Variants in USH2A observed in about 807,000 individuals in gnomAD.
USH2A encodes usherin.
Under a neutral mutation model 538.9 loss-of-function variants are expected in USH2A, and 443 were observed. The observed-to-expected ratio is 0.82, with a 90% CI of 0.76 to 0.89. The LOEUF (loss-of-function observed/expected upper bound fraction) is 0.89. Ranked by LOEUF, USH2A falls within the 40% of genes least tolerant of loss-of-function variation. USH2A has a pLI of 0.00. For missense variants in USH2A, 6,633 were observed against 6,324.8 expected, an observed-to-expected ratio of 1.05 and a Z score of -1.65; for synonymous variants, 2,413 against 2,273.5, an observed-to-expected ratio of 1.06 and a Z score of -1.75.
intron 58 of USH2A, among the ~76,000 whole-genome samples, chr1:215,752,032 T>C (rs1358345884): frequency 6.6e-6 from 1 of 152,096 alleles, no homozygotes; most frequent in Non-Finnish European, 1.5e-5. Context: ...TTGGAAAATA[T>C]GTGTATGTGC....
At chr1:215,777,702 T>G (rs1177646313) in intron 55 of USH2A, among the ~76,000 whole-genome samples, 1 of 152,216 alleles carries the variant, frequency 6.6e-6, no homozygotes. Flanking sequence ...GACCACTTAG[T>G]GTACTATCTG....
chr1:215,755,653 A>G (rs1251635814), intron 58 of USH2A, among the ~76,000 whole-genome samples: 1 of 152,188 alleles, frequency 6.6e-6, no homozygotes. Context: ...TGTGCATCTT[A>G]AACTATAAGA....
intron 32 of USH2A, among the ~76,000 whole-genome samples, chr1:216,015,995 A>G (rs1478106694): frequency 6.6e-6 from 1 of 152,206 alleles, no homozygotes; most frequent in Non-Finnish European, 1.5e-5. Context: ...CATATACACC[A>G]TGGAATACTA....
In USH2A at chr1:216,059,547, G is replaced by A. The variant is rs1197441139; in HGVS notation, c.6049+10554C>T. Among the ~76,000 whole-genome samples the A allele has an allele frequency of 2.0e-5, 3 of 152,072 alleles. No homozygotes were observed. In the East Asian group the frequency reaches 5.8e-4, roughly 29 times the overall value. On this transcript the variant is annotated intron_variant, in intron 30 of 71. Coordinates refer to ENST00000307340, the MANE Select transcript of USH2A (RefSeq NM_206933.4). ...CTTTGCCTATGACACTATTTTTATA[G>A]GTTTTTGTTTTGTTTAATTTTTGCT...
Position 216,238,896 on chromosome 1 carries a change from A to G in USH2A, c.2810-6760T>C, listed in dbSNP as rs554157339. 2.6e-5 allele frequency among the ~76,000 whole-genome samples: 4 copies of G among 152,190 alleles called. No individual in the cohort carries two copies. In the East Asian group the frequency reaches 7.7e-4, roughly 29 times the overall value. ...TCCCTCCATGCCCCACTGCTCACAC[A>G]CCAGCATGCTGTCTGCCCCTGTGGT... On this transcript the variant is annotated intron_variant, in intron 13 of 71. Coordinates refer to ENST00000307340, the MANE Select transcript of USH2A (RefSeq NM_206933.4).
At chr1:215,838,700 G>A (rs1298304926) in intron 46 of USH2A, among the ~76,000 whole-genome samples, 1 of 152,092 alleles carries the variant, frequency 6.6e-6, no homozygotes, top group East Asian at 1.9e-4. Context: ...TAAAAACCGA[G>A]GAGGGTGGAA....
intron 61 of USH2A, among the ~76,000 whole-genome samples, chr1:215,690,011 A>C (rs575492185): frequency 6.6e-6 from 1 of 152,348 alleles, no homozygotes; most frequent in South Asian, 2.1e-4. Flanking sequence ...TTAAAGATAC[A>C]TTTACATACA....
chr1:215,906,804 C>T (rs1190975113), intron 38 of USH2A, among the ~76,000 whole-genome samples: 2 of 151,866 alleles, frequency 1.3e-5, no homozygotes, highest in African/African-American at 2.4e-5. Context: ...TTCATGTTAG[C>T]GAGAGAAAGA....
At position 216,097,130 on chromosome 1, in the gene USH2A, C is replaced by G; in HGVS notation, c.4711G>C (p.Ala1571Pro). ...ASPGNQEEYF[A>P]LQLKKGRLYF... The stretch of plus-strand genomic sequence containing the variant: ...AGACGTCCCTTCTTCAACTGAAGTG[C>G]AAAATACTCTTCCTGATTGCCAGGT... Residue 1571 changes from alanine (A) to proline (P), a missense_variant, in exon 22 of 72, where the codon GCA becomes CCA. Physicochemically the swap from Ala to Pro is conservative, Grantham distance 27 (BLOSUM62 -1). Transcript: ENST00000307340. 6.2e-7 allele frequency: 1 copy of G among 1,614,112 alleles called. No individual in the cohort carries two copies. The highest frequency in any genetic ancestry group is 8.5e-7 in the Non-Finnish European group (1 of 1,180,006).
intron 64 of USH2A, among the ~76,000 whole-genome samples, chr1:215,657,996 T>G (rs542381469): frequency 1.4e-5 from 2 of 147,972 alleles, no homozygotes; most frequent in Admixed American, 6.8e-5. Flanking sequence ...TGCAGTGGCG[T>G]GATCTCGGCT....
intron 30 of USH2A, among the ~76,000 whole-genome samples, chr1:216,061,840 A>G (rs543490673): frequency 6.6e-6 from 1 of 152,188 alleles, no homozygotes; most frequent in Non-Finnish European, 1.5e-5. Context: ...AATGCCAGCA[A>G]GCTCTCAGCA....
intron 11 of USH2A, among the ~76,000 whole-genome samples, chr1:216,268,138 G>A (rs2036510226): frequency 6.6e-6 from 1 of 152,042 alleles, no homozygotes; most frequent in Non-Finnish European, 1.5e-5. Flanking sequence ...TGAGGGTTCT[G>A]TGGCTGCAGT....
intron 11 of USH2A, among the ~76,000 whole-genome samples, chr1:216,283,046 A>G (rs2036812376): frequency 1.3e-5 from 2 of 152,102 alleles, no homozygotes; most frequent in Admixed American, 6.5e-5. Flanking sequence ...ATCTTTGTGT[A>G]TTGATATTGT....
chr1:215,786,724 A>G lies in USH2A; in HGVS notation c.10333T>C (p.Ser3445Pro), dbSNP rs1475870748. Residue 3445 changes from serine to proline, a missense_variant, in exon 52 of 72, where the codon TCA becomes CCA. Physicochemically the swap from Ser to Pro is moderately conservative, Grantham distance 74. Coordinates refer to ENST00000307340, the MANE Select transcript of USH2A (RefSeq NM_206933.4). Reference protein sequence around the residue: ...TGKASIEEMCSSAEETIHTGS... With the variant: ...TGKASIEEMCPSAEETIHTGS... ...GTATGAATGGTTTCTTCGGCAGATGAACACATTTCTTCAATTGATGCCTTC... is the reference window on the plus strand; with the variant it reads ...GTATGAATGGTTTCTTCGGCAGATGGACACATTTCTTCAATTGATGCCTTC... 1.2e-6 allele frequency: 2 copies of G among 1,613,888 alleles called. No homozygotes were observed.
chr1:215,855,868 C>A (rs182648046), intron 44 of USH2A, among the ~76,000 whole-genome samples: 254 of 152,196 alleles, frequency 1.7e-3, no homozygotes, highest in African/African-American at 5.9e-3. Flanking sequence ...ATAGAGAACT[C>A]AGAAATAAAG....
intron 35 of USH2A, among the ~76,000 whole-genome samples, chr1:215,985,587 C>A (rs906445120): frequency 6.6e-6 from 1 of 152,048 alleles, no homozygotes; most frequent in African/African-American, 2.4e-5. Flanking sequence ...AAGTGCCTGG[C>A]AAATTCTTAT....
chr1:215,910,879 A>C (rs1368381201), intron 38 of USH2A, among the ~76,000 whole-genome samples: 1 of 151,910 alleles, frequency 6.6e-6, no homozygotes, highest in African/African-American at 2.4e-5. Flanking sequence ...ATCGCTCTGG[A>C]TACATTATTT....
rs2102466770 is a variant in USH2A, at chr1:216,199,835, A to G, written c.3603T>C (p.His1201=). The G allele has an allele frequency of 6.2e-7, 1 of 1,614,186 alleles. No homozygotes were observed. Among genetic ancestry groups the G allele is most frequent in the Non-Finnish European group, 8.5e-7 (1 of 1,180,002 alleles). ...GGQPCVSYEG[H]ETSATIWNLV... ...GATTCCAGATGGTAGCTGAGGTTTC[A>G]TGACCTTCGTAGGAAACACATGGCT... Residue 1201 remains histidine, a synonymous_variant, in exon 17 of 72, where the codon CAT becomes CAC. Coordinates refer to ENST00000307340, the MANE Select transcript of USH2A (RefSeq NM_206933.4).
chr1:215,892,220 C>T (rs1183502424), intron 40 of USH2A, among the ~76,000 whole-genome samples: 6 of 152,066 alleles, frequency 3.9e-5, no homozygotes, highest in African/African-American at 1.4e-4. Flanking sequence ...GTGTATATAA[C>T]TTTCAGTGGT....
Sources: allele counts gnomAD v4.1 joint callset (sites outside exome capture counted in the v4.1 genomes callset), GRCh38; gene constraint gnomAD v4.1.1; transcripts MANE v1.5; gene names NCBI Gene and HGNC (gene_info 2026-07-23, HGNC 2026-07-21).